RAB27B: variants seen among roughly 807,000 people sequenced by gnomAD.
RAB27B encodes the protein ras-related protein Rab-27B.
RAB27B carries 15 observed loss-of-function variants against 24.6 expected under a neutral mutation model. The ratio of observed to expected loss-of-function variants is 0.61; its 90% CI spans 0.41 to 0.94. The LOEUF is 0.94. Ranked by LOEUF, RAB27B falls within the 40% of genes least tolerant of loss-of-function variation. The pLI, the probability that RAB27B is intolerant of heterozygous loss-of-function variation, is 0.00. For synonymous variants in RAB27B, 105 were observed against 92.5 expected (o/e 1.14, Z -0.78); for missense variants, 261 against 266.8 (o/e 0.98, Z 0.15).
intron 2 of RAB27B, among the ~76,000 whole-genome samples, chr18:54,799,445 T>TATA (rs1207418789): frequency 6.6e-6 from 1 of 152,090 alleles, no homozygotes; most frequent in Non-Finnish European, 1.5e-5. Flanking sequence ...CCCCATAGGG[T>TATA]ATAATATGTG....
chr18:54,801,008 G>GTTTTTTTTTTTTTTTTTTTTTTTTT (rs11363761), intron 2 of RAB27B, among the ~76,000 whole-genome samples: 1 of 93,098 alleles, frequency 1.1e-5, no homozygotes, highest in Non-Finnish European at 2.0e-5. Flanking sequence ...TTGTTCCTGT[G>GTTTTTTTTTTTTTTTTTTTTTTTTT]TTTTTTTTTT....
intron 2 of RAB27B, among the ~76,000 whole-genome samples, chr18:54,756,931 T>G (rs1312023200): frequency 6.6e-6 from 1 of 152,188 alleles, no homozygotes; most frequent in Non-Finnish European, 1.5e-5. Context: ...GTAATCTTCA[T>G]GGAAACAGAT....
intron 1 of RAB27B, among the ~76,000 whole-genome samples, chr18:54,847,177 T>A (rs7242037): frequency 0.29 from 44,490 of 152,070 alleles, 7,454 homozygotes; most frequent in African/African-American, 0.45. Context: ...TTGACAATAA[T>A]GAAGCTCAAG....
chr18:54,873,653 CATA>C (rs1281578176), intron 1 of RAB27B, among the ~76,000 whole-genome samples: 1 of 149,340 alleles, frequency 6.7e-6, no homozygotes, highest in African/African-American at 2.5e-5. Flanking sequence ...AAAAAAATCA[CATA>C]ATAATAAAAA....
rs117202604 is a variant in RAB27B, at chr18:54,792,453, T to A, written c.-20+74312T>A. On this transcript the variant is annotated intron_variant, in intron 2 of 4. Transcript: ENST00000586570. ...TGCCACGCGCCTTAGTCTCTCTACA[T>A]GGTCAAATAAATAACAATCTAAACC... Among the ~76,000 whole-genome samples, 32 of 152,298 alleles carry A rather than the reference T, an allele frequency of 2.1e-4. No individual in the cohort carries two copies. The East Asian group carries it at 6.2e-3, about 29-fold the overall frequency.
At chr18:54,739,858 G>A (rs779079702) in intron 2 of RAB27B, among the ~76,000 whole-genome samples, 6 of 152,030 alleles carry the variant, frequency 3.9e-5, no homozygotes, top group African/African-American at 7.2e-5. Flanking sequence ...GCATTTCTTC[G>A]AAGTCCTAAT....
intron 2 of RAB27B, among the ~76,000 whole-genome samples, chr18:54,728,903 CAA>C (rs58878407): frequency 1.5e-5 from 1 of 68,254 alleles, no homozygotes; most frequent in African/African-American, 6.1e-5. Context: ...AAAAAAAACC[CAA>C]AAAAAAAAAA....
At chr18:54,781,235 G>T (rs531744471) in intron 2 of RAB27B, among the ~76,000 whole-genome samples, 1 of 152,056 alleles carries the variant, frequency 6.6e-6, no homozygotes, top group African/African-American at 2.4e-5. Flanking sequence ...TCTAACATTA[G>T]TATAGAAGGC....
upstream of RAB27B, among the ~76,000 whole-genome samples, chr18:54,824,020 A>G (rs139861072): frequency 5.2e-3 from 785 of 152,048 alleles, 11 homozygotes; most frequent in African/African-American, 0.016. Context: ...CTATCCTGCT[A>G]TTTCTTTATT....
At chr18:54,867,863 TTGCC>T (rs1912302453) in intron 1 of RAB27B, among the ~76,000 whole-genome samples, 1 of 152,090 alleles carries the variant, frequency 6.6e-6, no homozygotes, top group Admixed American at 6.5e-5. Flanking sequence ...AAATGAGAAC[TTGCC>T]TGCCTCTCTC....
At chr18:54,859,726 A>C (rs1248855102) in intron 1 of RAB27B, among the ~76,000 whole-genome samples, 1 of 152,252 alleles carries the variant, frequency 6.6e-6, no homozygotes, top group African/African-American at 2.4e-5. Flanking sequence ...AACTCGACAA[A>C]GACAAAATTA....
In RAB27B at chr18:54,895,430, G is replaced by A. The variant is rs1213416492; in HGVS notation, c.*6017G>A. ...TCATAGCATCCAATGATTTTTTGGT[G>A]TCTGGCTATGAATACTATGGTTGAG... On this transcript the variant is annotated 3_prime_UTR_variant, in exon 6 of 6. Coordinates refer to ENST00000262094, the MANE Select transcript of RAB27B (RefSeq NM_004163.4). 6 of 152,040 alleles carry A rather than the reference G, an allele frequency of 3.9e-5. No individual in the cohort carries two copies. The highest frequency in any genetic ancestry group is 1.4e-4 in the African/African-American group (6 of 41,406). The allele number at this position is 152,040 out of a possible 1,614,324, so 9.4% of individuals were successfully genotyped here.
rs1598987274 is a variant in RAB27B at position 54,877,594 on chromosome 18, T to C, written c.9T>C (p.Asp3=). MT[D]GDYDYLIKLL... is the part of the protein sequence containing the mutation. Reference sequence around the variant, plus strand: ...CGACCAAGACCATCACTATGACCGATGGAGACTATGATTATCTGATCAAAC... The same window carrying C: ...CGACCAAGACCATCACTATGACCGACGGAGACTATGATTATCTGATCAAAC... The change falls in exon 2 of 6, where the codon GAT becomes GAC. Residue 3 remains aspartate, a synonymous_variant. Transcript: ENST00000262094. 6.4e-7 allele frequency: 1 copy of C among 1,559,620 alleles called. No homozygotes were observed. Among genetic ancestry groups the C allele is most frequent in the African/African-American group, 1.4e-5 (1 of 71,386 alleles).
At chr18:54,876,990 G>T (rs923338746) in intron 1 of RAB27B, among the ~76,000 whole-genome samples, 2 of 151,652 alleles carry the variant, frequency 1.3e-5, no homozygotes, top group Non-Finnish European at 2.9e-5. Flanking sequence ...CTACCCAAAT[G>T]TCATCTTGAA....
At chr18:54,763,985 C>T (rs1226008819) in intron 2 of RAB27B, among the ~76,000 whole-genome samples, 1 of 152,208 alleles carries the variant, frequency 6.6e-6, no homozygotes, top group Non-Finnish European at 1.5e-5. Flanking sequence ...CAAGCCATCT[C>T]TCTGCTAGCT....
At chr18:54,852,360 C>T (rs1426166128) in intron 1 of RAB27B, among the ~76,000 whole-genome samples, 3 of 152,164 alleles carry the variant, frequency 2.0e-5, no homozygotes, top group African/African-American at 4.8e-5. Context: ...ATTCAAACCA[C>T]ATGTTTAACC....
intron 4 of RAB27B, among the ~76,000 whole-genome samples, chr18:54,886,697 TC>T (rs749350605): frequency 1.2e-3 from 183 of 152,264 alleles, no homozygotes; most frequent in Non-Finnish European, 1.8e-3. Flanking sequence ...GGTTTGTTTA[TC>T]CTTTTTCAAG....
intron 2 of RAB27B, among the ~76,000 whole-genome samples, chr18:54,783,569 C>T (rs1436091805): frequency 6.6e-6 from 1 of 151,822 alleles, no homozygotes; most frequent in Non-Finnish European, 1.5e-5. Flanking sequence ...ATGTCAGTCT[C>T]TTAAAGTTTT....
intron 1 of RAB27B, among the ~76,000 whole-genome samples, chr18:54,833,903 A>G (rs1343990762): frequency 1.3e-5 from 2 of 152,220 alleles, no homozygotes; most frequent in Non-Finnish European, 2.9e-5. Context: ...GGAGGCACCA[A>G]TGGGGAAGAG....
Sources: gnomAD v4.1 joint callset for allele counts (sites outside exome capture counted in the v4.1 genomes callset) on GRCh38, gnomAD v4.1.1 for gene constraint, MANE v1.5 for transcripts, NCBI Gene and HGNC (gene_info 2026-07-23, HGNC 2026-07-21) for gene names.